The following LRRIQ1 variants were observed in gnomAD, a reference collection of about 807,000 sequenced individuals.
LRRIQ1 encodes the protein leucine-rich repeat- and IQ domain-containing protein 1.
A neutral mutation model predicts 211.9 loss-of-function variants in LRRIQ1; 210 were observed. The ratio of observed to expected loss-of-function variants is 0.99; its 90% CI spans 0.89 to 1.11. LRRIQ1 has a LOEUF of 1.11. Ranked by LOEUF, LRRIQ1 falls within the 50% of genes most tolerant of loss-of-function variation. The pLI, the probability that LRRIQ1 is intolerant of heterozygous loss-of-function variation, is 0.00. For synonymous variants in LRRIQ1, 699 were observed against 650.1 expected (o/e 1.08, Z -1.14); for missense variants, 2,136 against 1,939.5 (o/e 1.10, Z -1.90).
At chr12:85,043,031 G>T (rs1024392646) in intron 3 of LRRIQ1, among the ~76,000 whole-genome samples, 8 of 152,052 alleles carry the variant, frequency 5.3e-5, no homozygotes, top group African/African-American at 1.4e-4. Flanking sequence ...AATATTTATT[G>T]CTGTGTTATG....
chr12:85,174,569 C>CT (rs1891587602), intron 24 of LRRIQ1, among the ~76,000 whole-genome samples: 1 of 150,886 alleles, frequency 6.6e-6, no homozygotes, highest in Non-Finnish European at 1.5e-5. Context: ...GGGCATGCTG[C>CT]TGTGTGCCTT....
At chr12:85,253,873 T>A (rs11116760) in intron 1 of LRRIQ1, among the ~76,000 whole-genome samples, 34,682 of 152,014 alleles carry the variant, frequency 0.23, 10,244 homozygotes, top group African/African-American at 0.69. Context: ...GCTTTCTGCC[T>A]TCTATTTCTA....
At chr12:85,167,953 C>T (rs1850952323) in intron 24 of LRRIQ1, among the ~76,000 whole-genome samples, 1 of 152,082 alleles carries the variant, frequency 6.6e-6, no homozygotes, top group African/African-American at 2.4e-5. Flanking sequence ...ATAAAGTTAA[C>T]AACACTTAAA....
At chr12:85,093,293 A>G (rs965398666) in intron 11 of LRRIQ1, among the ~76,000 whole-genome samples, 1 of 152,182 alleles carries the variant, frequency 6.6e-6, no homozygotes, top group East Asian at 1.9e-4. Flanking sequence ...TTCACTACTC[A>G]GGTCAAAGAG....
chr12:85,266,351 A>C (rs1896419466), downstream of LRRIQ1, among the ~76,000 whole-genome samples: 1 of 152,148 alleles, frequency 6.6e-6, no homozygotes, highest in Non-Finnish European at 1.5e-5. Context: ...ACAAAATATA[A>C]GAGCCAACAG....
rs181753641 is a variant in LRRIQ1 at position 85,076,802 on chromosome 12, A to T, written c.2887+3704A>T. 4.0e-5 allele frequency among the ~76,000 whole-genome samples: 6 copies of T among 150,352 alleles called. No homozygotes were observed. In the East Asian group the frequency reaches 9.8e-4, roughly 24 times the overall value. On this transcript the variant is annotated intron_variant, in intron 11 of 26. Transcript: ENST00000393217. ...GTGATTTTTTTTTTTTTTGGAGTCCACTAGATGGTGCTAGCTTACTTGTTA... is the reference window on the plus strand; with the variant it reads ...GTGATTTTTTTTTTTTTTGGAGTCCTCTAGATGGTGCTAGCTTACTTGTTA...
intron 18 of LRRIQ1, 151 bp downstream of exon 18, chr12:85,128,184 C>G: frequency 1.4e-6 from 1 of 710,082 alleles, no homozygotes; most frequent in Non-Finnish European, 2.4e-6. Flanking sequence ...TGCAGGTTAG[C>G]TGCAGGTTAG....
At chr12:85,065,494 T>TC in intron 9 of LRRIQ1, 80 bp downstream of exon 9, 1 of 1,187,018 alleles carries the variant, frequency 8.4e-7, no homozygotes, top group Non-Finnish European at 1.1e-6. Context: ...AAATGACCCT[T>TC]TTGAAGAAAC....
At chr12:85,143,100 C>T (rs1039683082) in intron 19 of LRRIQ1, among the ~76,000 whole-genome samples, 1 of 151,578 alleles carries the variant, frequency 6.6e-6, no homozygotes, top group Non-Finnish European at 1.5e-5. Context: ...TCCCTTTTGT[C>T]CACATCCTTA....
intron 24 of LRRIQ1, among the ~76,000 whole-genome samples, chr12:85,213,167 C>CT (rs1257697794): frequency 6.6e-6 from 1 of 151,554 alleles, no homozygotes. Context: ...CACAAAAACT[C>CT]TAACAACAGC....
intron 1 of LRRIQ1, among the ~76,000 whole-genome samples, chr12:85,261,446 AC>A (rs1201564947): frequency 6.6e-6 from 1 of 152,104 alleles, no homozygotes; most frequent in African/African-American, 2.4e-5. Context: ...GAAATTACAG[AC>A]CAATTTCCTC....
At chr12:85,078,058 C>T (rs1883862760) in intron 11 of LRRIQ1, among the ~76,000 whole-genome samples, 1 of 151,934 alleles carries the variant, frequency 6.6e-6, no homozygotes, top group Admixed American at 6.6e-5. Flanking sequence ...CTAGAACCCG[C>T]CCACCCCTTC....
intron 24 of LRRIQ1, among the ~76,000 whole-genome samples, chr12:85,213,256 G>A (rs2137079890): frequency 6.6e-6 from 1 of 151,748 alleles, no homozygotes; most frequent in Admixed American, 6.6e-5. Context: ...AACATAAAGA[G>A]CAGAATTTCA....
intron 23 of LRRIQ1, among the ~76,000 whole-genome samples, chr12:85,154,505 T>A (rs1310738465): frequency 1.3e-5 from 2 of 151,390 alleles, no homozygotes; most frequent in Non-Finnish European, 3.0e-5. Context: ...ATTTTAGCTA[T>A]GAAGACTTCA....
rs2135980414 is a variant in LRRIQ1, at chr12:85,055,526, ATGTATCT to A, written c.754-19_754-13del. 1 of 1,450,310 alleles carries A rather than the reference ATGTATCT, an allele frequency of 6.9e-7. No individual in the cohort carries two copies. Among genetic ancestry groups the A allele is most frequent in the African/African-American group, 1.4e-5 (1 of 69,160 alleles). 89.8% of individuals were successfully genotyped at this position (1,450,310 alleles called of 1,614,324 possible). Reference sequence around the variant, plus strand: ...TCATGTTTAGTTTATGCTGACTACCATGTATCTTACTTTGTTTTAGGAGTATATTAGA... The same window carrying A: ...TCATGTTTAGTTTATGCTGACTACCATACTTTGTTTTAGGAGTATATTAGA... On this transcript the variant is annotated splice_polypyrimidine_tract_variant and intron_variant, in intron 7 of 26. Coordinates refer to ENST00000393217, the MANE Select transcript of LRRIQ1 (RefSeq NM_001079910.2).
chr12:85,193,765 T>C (rs1936903454), intron 24 of LRRIQ1, among the ~76,000 whole-genome samples: 1 of 149,876 alleles, frequency 6.7e-6, no homozygotes, highest in Admixed American at 6.7e-5. Flanking sequence ...CTGCATCAAC[T>C]AACGAGCAAA....
At chr12:85,081,723 C>CTTTTTTTTTTT (rs766961193) in intron 11 of LRRIQ1, among the ~76,000 whole-genome samples, 11 of 113,440 alleles carry the variant, frequency 9.7e-5, no homozygotes, top group African/African-American at 3.6e-4. Flanking sequence ...TCTTCTTCTT[C>CTTTTTTTTTTT]TTTTTTTTTT....
chr12:85,056,520 A>G lies in LRRIQ1; in HGVS notation c.1727A>G (p.Lys576Arg). 6.2e-7 allele frequency: 1 copy of G among 1,612,018 alleles called. No homozygotes were observed. The highest frequency in any genetic ancestry group is 8.5e-7 in the Non-Finnish European group (1 of 1,179,090). ...VKTNEEQKII[K>R]DNQQKKIQKV... is the part of the protein sequence containing the mutation. Reference sequence around the variant, plus strand: ...ACCAATGAAGAGCAGAAAATAATCAAAGATAATCAGCAGAAAAAGATACAA... The same window carrying G: ...ACCAATGAAGAGCAGAAAATAATCAGAGATAATCAGCAGAAAAAGATACAA... Residue 576 changes from lysine to arginine, a missense_variant, in exon 8 of 27, where the codon AAA becomes AGA. Physicochemically the swap from Lys to Arg is conservative, Grantham distance 26. Transcript: ENST00000393217.
intron 15 of LRRIQ1, among the ~76,000 whole-genome samples, 182 bp from the exon 16 acceptor site, chr12:85,121,515 G>T (rs532845639): frequency 6.6e-6 from 1 of 152,174 alleles, no homozygotes; most frequent in East Asian, 1.9e-4. Context: ...CTGATGCCAT[G>T]CTTTTTAAAG....
Sources: allele counts gnomAD v4.1 joint callset (sites outside exome capture counted in the v4.1 genomes callset), GRCh38; gene constraint gnomAD v4.1.1; transcripts MANE v1.5; gene names NCBI Gene and HGNC (gene_info 2026-07-23, HGNC 2026-07-21).